Variants in FOCAD observed in about 807,000 individuals in gnomAD.
FOCAD encodes focadhesin, also known as KIAA1797.
Under a neutral mutation model 225.6 loss-of-function variants are expected in FOCAD, and 198 were observed. The observed-to-expected ratio is 0.88, with a 90% CI of 0.78 to 0.99. The LOEUF (loss-of-function observed/expected upper bound fraction) is 0.99. FOCAD is among the 50% of genes least tolerant of loss of function. The pLI is 0.00. For synonymous variants in FOCAD, 897 were observed against 755.0 expected (o/e 1.19, Z -3.08); for missense variants, 2,713 against 2,123.6 (o/e 1.28, Z -5.46).
intron 2 of FOCAD, among the ~76,000 whole-genome samples, chr9:20,665,411 C>T (rs957606009): frequency 4.6e-5 from 7 of 152,188 alleles, no homozygotes; most frequent in Admixed American, 2.0e-4. Context: ...TAATGAATGA[C>T]GAATCAGCTA....
At chr9:20,981,034 T>TG (rs1840649637) in intron 37 of FOCAD, among the ~76,000 whole-genome samples, 1 of 152,234 alleles carries the variant, frequency 6.6e-6, no homozygotes, top group Admixed American at 6.5e-5. Flanking sequence ...TTTCAGCAGT[T>TG]GAGCCTTTCA....
upstream of FOCAD, among the ~76,000 whole-genome samples, chr9:20,656,717 T>A (rs959876413): frequency 6.6e-6 from 1 of 152,188 alleles, no homozygotes; most frequent in Admixed American, 6.5e-5. Context: ...CTGATGGGTC[T>A]TGACTGTTTA....
intron 2 of FOCAD, among the ~76,000 whole-genome samples, chr9:20,717,013 G>A (rs553293743): frequency 6.6e-6 from 1 of 152,290 alleles, no homozygotes; most frequent in South Asian, 2.1e-4. Context: ...TTGTAAAACA[G>A]GAGCTCAACC....
chr9:20,917,017 G>A, intron 24 of FOCAD, 80 bp downstream of exon 24: 1 of 1,099,826 alleles, frequency 9.1e-7, no homozygotes, highest in Non-Finnish European at 1.3e-6. Flanking sequence ...CTCCTTTTAG[G>A]GCATTTCATA....
chr9:20,745,096 T>C (rs1013064904), intron 5 of FOCAD, among the ~76,000 whole-genome samples: 1 of 150,572 alleles, frequency 6.6e-6, no homozygotes, highest in Non-Finnish European at 1.5e-5. Flanking sequence ...AACACACTTA[T>C]ATTTAAGTTA....
At chr9:20,820,302 G>A (rs777435240) in intron 12 of FOCAD, 22 bp from the exon 13 acceptor site, 2 of 1,561,988 alleles carry the variant, frequency 1.3e-6, no homozygotes, top group Admixed American at 1.8e-5. Flanking sequence ...TATGCAACTA[G>A]AGTTTCTTCA....
intron 10 of FOCAD, chr9:20,786,782 T>G (rs1205667869): frequency 6.3e-6 from 1 of 157,688 alleles, no homozygotes; most frequent in African/African-American, 2.4e-5. Flanking sequence ...TCTCAATTAT[T>G]TTCTACCTGT....
At chr9:20,730,511 G>C (rs1826597368) in intron 4 of FOCAD, among the ~76,000 whole-genome samples, 1 of 152,032 alleles carries the variant, frequency 6.6e-6, no homozygotes, top group Non-Finnish European at 1.5e-5. Flanking sequence ...ATGTATTTCA[G>C]TCCTCTTCTC....
intron 5 of FOCAD, among the ~76,000 whole-genome samples, chr9:20,747,544 A>G (rs2131712250): frequency 6.6e-6 from 1 of 152,270 alleles, no homozygotes; most frequent in African/African-American, 2.4e-5. Context: ...TAATTCCAGA[A>G]TATTTTCATC....
chr9:20,655,706 G>T (rs1467047948), upstream of FOCAD, among the ~76,000 whole-genome samples: 1 of 151,958 alleles, frequency 6.6e-6, no homozygotes, highest in East Asian at 1.9e-4. Context: ...TATCAATTTT[G>T]TTGATCCTTT....
At chr9:20,794,378 T>G (rs996863276) in intron 11 of FOCAD, among the ~76,000 whole-genome samples, 1 of 152,194 alleles carries the variant, frequency 6.6e-6, no homozygotes, top group Non-Finnish European at 1.5e-5. Flanking sequence ...ATTAGTGATT[T>G]GTAAAATATT....
chr9:20,848,893 A>C (rs1285401923), intron 15 of FOCAD, among the ~76,000 whole-genome samples: 3 of 151,766 alleles, frequency 2.0e-5, no homozygotes, highest in Non-Finnish European at 2.9e-5. Context: ...AATAAATCAC[A>C]CTGTGATAAA....
In FOCAD at chr9:20,838,676, T is replaced by G. The variant is rs10435729; in HGVS notation, c.1920+15561T>G. Among the ~76,000 whole-genome samples the G allele has an allele frequency of 3.2e-3, 492 of 152,268 alleles. 11 individuals carry two copies. The East Asian group carries it at 0.045, about 14-fold the overall frequency. ...AAGTGATTGGCAGTGACTTCTACTA[T>G]GTAGAGTAGGATCTCCAAAGTTTAT... On this transcript the variant is annotated intron_variant, in intron 15 of 43. Coordinates refer to ENST00000338382, the MANE Select transcript of FOCAD (RefSeq NM_001375567.1).
At chr9:20,806,616 A>T (rs1188454520) in intron 11 of FOCAD, among the ~76,000 whole-genome samples, 2 of 152,198 alleles carry the variant, frequency 1.3e-5, no homozygotes, top group African/African-American at 4.8e-5. Flanking sequence ...CATTGTAAGG[A>T]CTTAAAGATC....
chr9:20,747,998 A>G (rs1828205903), intron 5 of FOCAD, among the ~76,000 whole-genome samples: 1 of 152,040 alleles, frequency 6.6e-6, no homozygotes, highest in Non-Finnish European at 1.5e-5. Flanking sequence ...TCTTAAAAAA[A>G]TCGACGATCA....
chr9:20,927,488 T>G (rs1330017250), intron 26 of FOCAD, among the ~76,000 whole-genome samples: 1 of 152,116 alleles, frequency 6.6e-6, no homozygotes, highest in East Asian at 1.9e-4. Flanking sequence ...TTTTGAAAAC[T>G]GTTAAATACT....
rs1477636894 is a variant in FOCAD, at chr9:20,932,945, T to C, written c.3318-69T>C. ...CCAGTAAAATATTGAGAGTATAATA[T>C]TGTATTCAGTATTTTGGATAGTTGA... On this transcript the variant is annotated intron_variant, in intron 27 of 43. Transcript: ENST00000338382. 1.2e-5 allele frequency: 13 copies of C among 1,092,412 alleles called. No homozygotes were observed. The East Asian group carries it at 2.6e-4, about 22-fold the overall frequency. 67.7% of individuals were successfully genotyped at this position (1,092,412 alleles called of 1,614,324 possible). A position where few individuals can be genotyped will look rare whatever the true frequency, so the allele number is the denominator to read the frequency against.
intron 1 of FOCAD, among the ~76,000 whole-genome samples, chr9:20,706,818 A>G (rs2131444419): frequency 6.6e-6 from 1 of 152,322 alleles, no homozygotes; most frequent in Middle Eastern, 3.4e-3. Flanking sequence ...AGTTCCAGGT[A>G]TGTAGCCGTG....
At position 20,981,423 on chromosome 9, in the gene FOCAD, C is replaced by T. The variant is rs756062734; in HGVS notation, c.4378-3C>T. 6.2e-7 allele frequency: 1 copy of T among 1,613,514 alleles called. No homozygotes were observed. Among genetic ancestry groups the T allele is most frequent in the South Asian group, 1.1e-5 (1 of 91,066 alleles). ...CATTCAACCCCTTCTGTTTTACTTCCAGCTGAATACCAAGAGATATCTCCT... is the reference window on the plus strand; with the variant it reads ...CATTCAACCCCTTCTGTTTTACTTCTAGCTGAATACCAAGAGATATCTCCT... On this transcript the variant is annotated splice_region_variant and splice_polypyrimidine_tract_variant and intron_variant, in intron 37 of 43. Coordinates refer to ENST00000338382, the MANE Select transcript of FOCAD (RefSeq NM_001375567.1).
Sources: allele counts gnomAD v4.1 joint callset (sites outside exome capture counted in the v4.1 genomes callset), GRCh38; gene constraint gnomAD v4.1.1; transcripts MANE v1.5; gene names NCBI Gene and HGNC (gene_info 2026-07-23, HGNC 2026-07-21).